The following EPB41L2 variants were observed in gnomAD, a reference collection of about 807,000 sequenced individuals.
EPB41L2 encodes band 4.1-like protein 2.
A neutral mutation model predicts 113.0 loss-of-function variants in EPB41L2; 43 were observed. That is an observed-to-expected ratio of 0.38 (90% CI 0.30 to 0.49). EPB41L2 has a LOEUF of 0.49. Among genes scored for constraint, EPB41L2 ranks in the 20% least tolerant of loss-of-function variants. The probability of loss-of-function intolerance (pLI) is 0.95; values close to 1 mark genes in which losing one functional copy is unlikely to be tolerated. For synonymous variants in EPB41L2, 442 were observed against 436.7 expected (o/e 1.01, Z -0.15); for missense variants, 1,147 against 1,223.4 (o/e 0.94, Z 0.93).
chr6:130,891,350 T>G (rs116230279), intron 10 of EPB41L2, among the ~76,000 whole-genome samples: 289 of 152,142 alleles, frequency 1.9e-3, no homozygotes, highest in African/African-American at 6.4e-3. Context: ...AAAAAAAGAA[T>G]CCCTGTACAA....
At chr6:130,892,013 T>TAA (rs1793048361) in intron 10 of EPB41L2, among the ~76,000 whole-genome samples, 2 of 152,300 alleles carry the variant, frequency 1.3e-5, no homozygotes, top group Middle Eastern at 3.4e-3. Context: ...ATGCAAGGTT[T>TAA]AAAAATTTAA....
intron 19 of EPB41L2, among the ~76,000 whole-genome samples, chr6:130,840,965 G>A (rs1583422192): frequency 6.6e-6 from 1 of 152,256 alleles, no homozygotes; most frequent in African/African-American, 2.4e-5. Context: ...TATTTTCTTT[G>A]TGCTAAAACG....
At position 130,956,508 on chromosome 6, in the gene EPB41L2, A is replaced by T; in HGVS notation, c.-14-9T>A. 1 of 1,569,090 alleles carries T rather than the reference A, an allele frequency of 6.4e-7. No homozygotes were observed. The highest frequency in any genetic ancestry group is 8.6e-7 in the Non-Finnish European group (1 of 1,161,668). On this transcript the variant is annotated splice_polypyrimidine_tract_variant and intron_variant, in intron 1 of 19. Transcript: ENST00000337057. ...CATGGCCACAGCTTATGCTGTAATC[A>T]AAACAAAAATCATAAAATGTCATTT...
chr6:130,989,667 T>TGGTTTGTCAA (rs1302125579), intron 1 of EPB41L2, among the ~76,000 whole-genome samples: 2 of 152,242 alleles, frequency 1.3e-5, no homozygotes, highest in African/African-American at 4.8e-5. Flanking sequence ...AAAACTTAAA[T>TGGTTTGTCAA]GGTTTGTCAA....
chr6:130,989,980 A>G (rs771988926), intron 1 of EPB41L2, among the ~76,000 whole-genome samples: 5 of 152,224 alleles, frequency 3.3e-5, no homozygotes, highest in East Asian at 1.9e-4. Flanking sequence ...AATGAGTTCA[A>G]TTTAGACTGG....
intron 1 of EPB41L2, among the ~76,000 whole-genome samples, chr6:131,004,350 C>CAAAAGCAGGAAA (rs1784993013): frequency 2.0e-5 from 3 of 152,076 alleles, no homozygotes; most frequent in African/African-American, 7.2e-5. Flanking sequence ...TTAAGGAAAT[C>CAAAAGCAGGAAA]TAAAACAAAG....
chr6:131,021,077 C>CG (rs1789370649), intron 1 of EPB41L2, among the ~76,000 whole-genome samples: 2 of 152,142 alleles, frequency 1.3e-5, no homozygotes, highest in African/African-American at 4.8e-5. Context: ...GGATTACAGG[C>CG]ATGAGCCACC....
At chr6:130,926,249 G>A (rs185259789) in intron 4 of EPB41L2, among the ~76,000 whole-genome samples, 7 of 152,288 alleles carry the variant, frequency 4.6e-5, no homozygotes, top group South Asian at 4.1e-4. Context: ...ATTTAGTACC[G>A]AAAGGCCAGA....
intron 1 of EPB41L2, among the ~76,000 whole-genome samples, chr6:131,062,772 G>T (rs1326935743): frequency 1.3e-5 from 2 of 151,894 alleles, no homozygotes; most frequent in African/African-American, 4.8e-5. Context: ...CGGCACCCCG[G>T]GGGGGACGGC....
At position 130,904,624 on chromosome 6, in the gene EPB41L2, C is replaced by T. The variant is rs528597102; in HGVS notation, c.854-84G>A. 636 of 807,328 alleles carry T rather than the reference C, an allele frequency of 7.9e-4. 1 individual carries two copies. The highest frequency in any genetic ancestry group is 1.2e-3 in the Non-Finnish European group (573 of 497,846). The allele number at this position is 807,328 out of a possible 1,614,324, so 50.0% of individuals were successfully genotyped here. On this transcript the variant is annotated intron_variant, in intron 5 of 19. Transcript: ENST00000337057. ...TAAAATTTAAAGGTCAAGGATCAAA[C>T]AGTACAGACTAATCCAACTATAAAT...
chr6:130,846,066 T>C (rs750470408), intron 19 of EPB41L2, among the ~76,000 whole-genome samples: 4 of 152,190 alleles, frequency 2.6e-5, no homozygotes, highest in Non-Finnish European at 5.9e-5. Flanking sequence ...ACAGTACTTG[T>C]TGCCAATGAT....
intron 4 of EPB41L2, among the ~76,000 whole-genome samples, chr6:130,918,861 G>A (rs1406066108): frequency 6.6e-6 from 1 of 152,100 alleles, no homozygotes; most frequent in Non-Finnish European, 1.5e-5. Flanking sequence ...AACTGCATGG[G>A]ATTTAAACAA....
rs138681439 is a variant in EPB41L2, at chr6:130,872,156, AT to A, written c.2044-2031del. Among the ~76,000 whole-genome samples the A allele has an allele frequency of 0.02, 3,073 of 150,806 alleles. 186 individuals carry two copies. The East Asian group carries it at 0.26, about 13-fold the overall frequency. On this transcript the variant is annotated intron_variant, in intron 14 of 19. Coordinates refer to ENST00000337057, the MANE Select transcript of EPB41L2 (RefSeq NM_001431.4). ...TAAATTATTCTCTGAATTTAGGCAGATTTTTTTTTTCTTTGACCAAAGAAGC... is the reference window on the plus strand; with the variant it reads ...TAAATTATTCTCTGAATTTAGGCAGATTTTTTTTTCTTTGACCAAAGAAGC...
rs897887843 is a variant in EPB41L2, at chr6:130,840,617, A to T, written c.*6-19T>A. The T allele has an allele frequency of 9.2e-5, 14 of 152,124 alleles. No homozygotes were observed. The highest frequency in any genetic ancestry group is 3.1e-4 in the African/African-American group (13 of 41,534). The allele number at this position is 152,124 out of a possible 1,614,324, so 9.4% of individuals were successfully genotyped here. On this transcript the variant is annotated intron_variant, in intron 19 of 19. Transcript: ENST00000337057. ...TGACTTTCTAGAAGAGAAAAAAAAA[A>T]AAAAAACAGAAGGCTTAAATATTCC... is the stretch of plus-strand genomic sequence containing the variant.
At chr6:130,868,735 C>T (rs1260924349) in intron 15 of EPB41L2, 1 of 152,080 alleles carries the variant, frequency 6.6e-6, no homozygotes, top group South Asian at 2.1e-4. Context: ...GGAAATAAAC[C>T]CTCCCTCAGC....
At chr6:130,886,132 T>C (rs1790885968) in intron 11 of EPB41L2, among the ~76,000 whole-genome samples, 2 of 152,184 alleles carry the variant, frequency 1.3e-5, no homozygotes, top group South Asian at 4.1e-4. Context: ...ACGGACACCA[T>C]GAAGTTTACT....
chr6:130,926,706 G>A lies in EPB41L2; in HGVS notation c.709C>T (p.His237Tyr). 6.3e-7 allele frequency: 1 copy of A among 1,587,658 alleles called. No individual in the cohort carries two copies. The highest frequency in any genetic ancestry group is 8.5e-7 in the Non-Finnish European group (1 of 1,171,294). The change falls in exon 4 of 20, where the codon CAT becomes TAT. Residue 237 changes from histidine (H) to tyrosine (Y), a missense_variant. By Grantham distance (83) the His-to-Tyr change is moderately conservative. Coordinates refer to ENST00000337057, the MANE Select transcript of EPB41L2 (RefSeq NM_001431.4). The stretch of plus-strand genomic sequence containing the variant: ...TCAAATAACACTTGTCCCTTGGCAT[G>A]TTTCTGGAGAAAAAATAATAACTTT... ...GTEYSCDLEK[H>Y]AKGQVLFDKV... is the part of the protein sequence containing the mutation.
In EPB41L2 at chr6:131,012,612, G is replaced by T. The variant is rs143021316; in HGVS notation, c.-15+50543C>A. 2.7e-3 allele frequency among the ~76,000 whole-genome samples: 414 copies of T among 151,580 alleles called. 4 individuals carry two copies. Among genetic ancestry groups the T allele is most frequent in the Non-Finnish European group, 3.8e-3 (259 of 67,944 alleles). ...ATTATGCCATATTGGTCTACTGCCT[G>T]CATTTTAATGAAAAGCCAATAGATA... On this transcript the variant is annotated intron_variant, in intron 1 of 19. Transcript: ENST00000337057.
At chr6:130,846,613 T>C (rs983725436) in intron 19 of EPB41L2, among the ~76,000 whole-genome samples, 1 of 152,204 alleles carries the variant, frequency 6.6e-6, no homozygotes, top group African/African-American at 2.4e-5. Flanking sequence ...TTTCCTGGTT[T>C]GCTGGAACAT....
Sources: gnomAD v4.1 joint callset for allele counts (sites outside exome capture counted in the v4.1 genomes callset) on GRCh38, gnomAD v4.1.1 for gene constraint, MANE v1.5 for transcripts, NCBI Gene and HGNC (gene_info 2026-07-23, HGNC 2026-07-21) for gene names.